The following ZNF45 variants were observed in gnomAD, a reference collection of about 807,000 sequenced individuals.
ZNF45 encodes the protein BRC1744.
ZNF45 carries 4 observed loss-of-function variants against 12.0 expected under a neutral mutation model. The observed-to-expected ratio is 0.33, with a 90% CI of 0.16 to 0.76. ZNF45 has a LOEUF of 0.76. Ranked by LOEUF, ZNF45 falls within the 30% of genes least tolerant of loss-of-function variation. The pLI is 0.60. For synonymous variants in ZNF45, 272 were observed against 279.6 expected, an observed-to-expected ratio of 0.97 and a Z score of 0.27; for missense variants, 700 against 813.0, an observed-to-expected ratio of 0.86 and a Z score of 1.69.
intron 9 of ZNF45, among the ~76,000 whole-genome samples, chr19:43,915,899 C>T (rs1226851898): frequency 6.6e-6 from 1 of 152,132 alleles, no homozygotes; most frequent in Non-Finnish European, 1.5e-5. Flanking sequence ...GGTCCTTTAC[C>T]TCTTGCTAGG....
chr19:43,912,817 C>G lies in ZNF45; in HGVS notation c.*570G>C, dbSNP rs920936254. On this transcript the variant is annotated 3_prime_UTR_variant, in exon 10 of 10. Transcript: ENST00000269973. ...AAAACTTCTAGTTGCTAGCCAGAAA[C>G]TGATTTCTGAACCCACTAACAAGCT... The G allele has an allele frequency of 1.3e-5, 2 of 152,256 alleles. No homozygotes were observed. The highest frequency in any genetic ancestry group is 1.3e-4 in the Admixed American group (2 of 15,286). 9.4% of individuals were successfully genotyped at this position (152,256 alleles called of 1,614,324 possible).
intron 3 of ZNF45, among the ~76,000 whole-genome samples, chr19:43,929,170 C>T (rs1038405516): frequency 2.6e-5 from 4 of 152,206 alleles, no homozygotes; most frequent in African/African-American, 9.7e-5. Flanking sequence ...TTCTTAACCG[C>T]TCGACAGTGG....
rs1274645569 is a variant in ZNF45, at chr19:43,924,870, G to A, written c.-265-309C>T. The stretch of plus-strand genomic sequence containing the variant: ...AAGTGACTAAGTATACACAAAACAT[G>A]TGGAACAGTTTCTGGCAGCTTAAAC... On this transcript the variant is annotated intron_variant, in intron 4 of 9. Transcript: ENST00000269973. 2.0e-5 allele frequency among the ~76,000 whole-genome samples: 3 copies of A among 146,704 alleles called. No homozygotes were observed. In the Admixed American group the frequency reaches 2.2e-4, roughly 11 times the overall value.
chr19:43,920,741 C>G (rs953468064), intron 7 of ZNF45, among the ~76,000 whole-genome samples: 3 of 151,218 alleles, frequency 2.0e-5, no homozygotes, highest in African/African-American at 7.3e-5. Context: ...GCTGGGAATA[C>G]AGGCGTGCGC....
At chr19:43,928,025 T>A (rs1429960334) in intron 3 of ZNF45, among the ~76,000 whole-genome samples, 1 of 149,680 alleles carries the variant, frequency 6.7e-6, no homozygotes, top group Non-Finnish European at 1.5e-5. Flanking sequence ...AAAAAAAAAA[T>A]ACAAAATTAG....
rs1972315469 is a variant in ZNF45, at chr19:43,912,707, T to C, written c.*680A>G. 1 of 152,226 alleles carries C rather than the reference T, an allele frequency of 6.6e-6. No homozygotes were observed. 9.4% of individuals were successfully genotyped at this position (152,226 alleles called of 1,614,324 possible). On this transcript the variant is annotated 3_prime_UTR_variant, in exon 10 of 10. Coordinates refer to ENST00000269973, the MANE Select transcript of ZNF45 (RefSeq NM_003425.4). ...CATTGATCTTGGTGATGATTACATT[T>C]GTCAAAATTCAGAAAGCCATGAACT...
Position 43,919,682 on chromosome 19 carries a change from C to A in ZNF45, c.33G>T (p.Lys11Asn). 2 of 1,612,098 alleles carry A rather than the reference C, an allele frequency of 1.2e-6. No individual in the cohort carries two copies. Among genetic ancestry groups the A allele is most frequent in the Non-Finnish European group, 1.7e-6 (2 of 1,178,778 alleles). The change falls in exon 8 of 10, where the codon AAG becomes AAT. Residue 11 changes from lysine (K) to asparagine (N), a missense_variant. Lys to Asn is a moderately conservative substitution (Grantham distance 94). Transcript: ENST00000269973. Reference protein sequence around the residue: MTKSKEAVTFKDVAVVFSEEE... With the variant: MTKSKEAVTFNDVAVVFSEEE... ...CCTCAGAGAAGACCACAGCCACGTC[C>A]TTGAATGTCACTGCCTCCTACAACA...
rs536347909 is a variant in ZNF45 at position 43,913,194 on chromosome 19, C to T, written c.*193G>A. ...GATCAGACTCATCCTTCCTGATCCTCTTGTCTGCATGTATCAGCTAATGGT... is the reference window on the plus strand; with the variant it reads ...GATCAGACTCATCCTTCCTGATCCTTTTGTCTGCATGTATCAGCTAATGGT... On this transcript the variant is annotated 3_prime_UTR_variant, in exon 10 of 10. Transcript: ENST00000269973. 1.9e-6 allele frequency: 1 copy of T among 522,442 alleles called. No homozygotes were observed. The highest frequency in any genetic ancestry group is 4.3e-5 in the South Asian group (1 of 23,308). The allele number at this position is 522,442 out of a possible 1,614,324, so 32.4% of individuals were successfully genotyped here. A position where few individuals can be genotyped will look rare whatever the true frequency, so the allele number is the denominator to read the frequency against.
At position 43,913,928 on chromosome 19, in the gene ZNF45, T is replaced by C. The variant is rs758270133; in HGVS notation, c.1508A>G (p.Glu503Gly). The change falls in exon 10 of 10, where the codon GAG becomes GGG. Residue 503 changes from glutamate to glycine, a missense_variant. Glu to Gly is a moderately conservative substitution (Grantham distance 98). Transcript: ENST00000269973. ...IHTGEKPYKC[E>G]RCGKAFSQFS... Reference sequence around the variant, plus strand: ...CTGACTGAAGGCCTTACCACACCTCTCGCATTTATAGGGTTTCTCTCCTGT... The same window carrying C: ...CTGACTGAAGGCCTTACCACACCTCCCGCATTTATAGGGTTTCTCTCCTGT... 3.1e-6 allele frequency: 5 copies of C among 1,602,378 alleles called. No homozygotes were observed. The highest frequency in any genetic ancestry group is 4.3e-6 in the Non-Finnish European group (5 of 1,171,576).
chr19:43,915,239 A>G (rs1194291779), intron 9 of ZNF45, 39 bp from the exon 10 acceptor site: 1 of 1,456,648 alleles, frequency 6.9e-7, no homozygotes, highest in Non-Finnish European at 9.0e-7. Flanking sequence ...GGGCATGTGA[A>G]TAATGTTTTG....
chr19:43,927,564 A>G (rs953646081), intron 3 of ZNF45, among the ~76,000 whole-genome samples: 1 of 152,160 alleles, frequency 6.6e-6, no homozygotes, highest in Non-Finnish European at 1.5e-5. Context: ...ATAGCGAGAG[A>G]CACTTTTAAG....
chr19:43,918,950 G>T lies in ZNF45; in HGVS notation c.155C>A (p.Thr52Lys), dbSNP rs546032733. Residue 52 changes from threonine to lysine, a missense_variant, in exon 9 of 10, where the codon ACA (threonine) becomes AAA (lysine). Transcript: ENST00000269973. ...RNVVSVGHQS[T>K]PDGLPQLERE... ...CTCTAACTGTGGTAGGCCATCTGGTGTGGACTGATGCCCTGTGAAAAGGCA... is the reference window on the plus strand; with the variant it reads ...CTCTAACTGTGGTAGGCCATCTGGTTTGGACTGATGCCCTGTGAAAAGGCA... The T allele has an allele frequency of 6.2e-7, 1 of 1,614,038 alleles. No individual in the cohort carries two copies. Among genetic ancestry groups the T allele is most frequent in the East Asian group, 2.2e-5 (1 of 44,876 alleles).
chr19:43,923,663 G>A (rs1973411691), intron 6 of ZNF45, among the ~76,000 whole-genome samples: 1 of 151,954 alleles, frequency 6.6e-6, no homozygotes, highest in Admixed American at 6.6e-5. Flanking sequence ...TTTTTAAGTG[G>A]TTACATTCAG....
intron 2 of ZNF45, among the ~76,000 whole-genome samples, chr19:43,933,487 ATAATTAT>A (rs1296367426): frequency 6.6e-6 from 1 of 152,106 alleles, no homozygotes; most frequent in East Asian, 1.9e-4. Context: ...ACAATTAATG[ATAATTAT>A]TAGTTTTTAA....
chr19:43,918,852 G>A lies in ZNF45; in HGVS notation c.235+18C>T, dbSNP rs1270600374. The A allele has an allele frequency of 5.6e-6, 9 of 1,605,002 alleles. No individual in the cohort carries two copies. Reference sequence around the variant, plus strand: ...AAGGCTAACAGAAAAATGTCCAGCAGCCCCAGCCCCTCCTCACCTGAGGAG... The same window carrying A: ...AAGGCTAACAGAAAAATGTCCAGCAACCCCAGCCCCTCCTCACCTGAGGAG... On this transcript the variant is annotated intron_variant, in intron 9 of 9. Transcript: ENST00000269973.
rs1185739201 is a variant in ZNF45 at position 43,914,614 on chromosome 19, T to C, written c.822A>G (p.Lys274=). The change falls in exon 10 of 10, where the codon AAA becomes AAG. Residue 274 remains lysine, a synonymous_variant. Transcript: ENST00000269973. ...CCCCACACTCCTCACATTTATAGGG[T>C]TTCTCTCCCGTATGAACTATCAGAG... ...QAPLIVHTGE[K]PYKCEECGVG... is the part of the protein sequence containing the mutation. 2 of 1,613,672 alleles carry C rather than the reference T, an allele frequency of 1.2e-6. No individual in the cohort carries two copies. The highest frequency in any genetic ancestry group is 2.2e-5 in the South Asian group (2 of 91,042).
chr19:43,915,753 G>A (rs1568450699), intron 9 of ZNF45, among the ~76,000 whole-genome samples: 1 of 152,144 alleles, frequency 6.6e-6, no homozygotes, highest in African/African-American at 2.4e-5. Context: ...GATGATCTGA[G>A]GTAGAACAGT....
At chr19:43,933,872 A>G (rs968216617) in intron 2 of ZNF45, among the ~76,000 whole-genome samples, 4 of 152,216 alleles carry the variant, frequency 2.6e-5, no homozygotes, top group Non-Finnish European at 5.9e-5. Context: ...AACTACTAAT[A>G]TTGCTTAAAA....
At chr19:43,924,943 C>T (rs1216469636) in intron 4 of ZNF45, among the ~76,000 whole-genome samples, 1 of 152,182 alleles carries the variant, frequency 6.6e-6, no homozygotes, top group African/African-American at 2.4e-5. Context: ...TTACATGAAA[C>T]AGTCAGGGAG....
Sources: allele counts gnomAD v4.1 joint callset (sites outside exome capture counted in the v4.1 genomes callset), GRCh38; gene constraint gnomAD v4.1.1; transcripts MANE v1.5; gene names NCBI Gene and HGNC (gene_info 2026-07-23, HGNC 2026-07-21).